Variants in TMEM130 observed in about 807,000 individuals in gnomAD.
TMEM130 encodes transmembrane protein 130.
In TMEM130, 37 loss-of-function variants were observed where a neutral mutation model predicts 42.9. The observed-to-expected ratio is 0.86, with a 90% CI of 0.66 to 1.13. TMEM130 has a LOEUF of 1.13. Ranked by LOEUF, TMEM130 falls within the 50% of genes most tolerant of loss-of-function variation. The pLI is 0.00. For missense variants in TMEM130, 545 were observed against 562.6 expected (o/e 0.97, Z 0.32); for synonymous variants, 259 against 237.7 (o/e 1.09, Z -0.82).
At chr7:98,853,519 T>G (rs572722758) in intron 5 of TMEM130, among the ~76,000 whole-genome samples, 10 of 152,144 alleles carry the variant, frequency 6.6e-5, no homozygotes, top group African/African-American at 2.4e-4. Flanking sequence ...TCCCAGCTAC[T>G]CGGGAGGCTG....
At chr7:98,855,352 C>G in intron 4 of TMEM130, 28 bp from the exon 5 acceptor site, 1 of 1,595,908 alleles carries the variant, frequency 6.3e-7, no homozygotes, top group Non-Finnish European at 8.6e-7. Context: ...CCCCGTTAGA[C>G]CTGGTGGCTA....
At chr7:98,850,855 A>C (rs1794483396) in intron 6 of TMEM130, among the ~76,000 whole-genome samples, 1 of 152,178 alleles carries the variant, frequency 6.6e-6, no homozygotes, top group Non-Finnish European at 1.5e-5. Context: ...CACTGCAATC[A>C]TGGTGGCTCA....
intron 4 of TMEM130, among the ~76,000 whole-genome samples, chr7:98,855,534 G>A (rs960852712): frequency 1.3e-5 from 2 of 152,206 alleles, no homozygotes; most frequent in African/African-American, 4.8e-5. Context: ...AAGTAGGAAA[G>A]GCAGGCAAAC....
Position 98,846,518 on chromosome 7 carries a change from G to A in TMEM130, c.*1538C>T, listed in dbSNP as rs1460542331. 6.6e-6 allele frequency: 1 copy of A among 152,174 alleles called. No homozygotes were observed. 9.4% of individuals were successfully genotyped at this position (152,174 alleles called of 1,614,324 possible). A position where few individuals can be genotyped will look rare whatever the true frequency, so the allele number is the denominator to read the frequency against. On this transcript the variant is annotated 3_prime_UTR_variant, in exon 8 of 8. Transcript: ENST00000339375. ...GCTTGGCTATATTCAGAGCACACAA[G>A]CTTTATTTAGCAACAATGGCAGTAT...
chr7:98,855,821 G>A (rs1245976419), intron 4 of TMEM130, among the ~76,000 whole-genome samples, 196 bp downstream of exon 4: 2 of 152,222 alleles, frequency 1.3e-5, no homozygotes, highest in African/African-American at 4.8e-5. Flanking sequence ...GGGCCGCTCA[G>A]CCACTGCACA....
At chr7:98,860,124 G>A (rs978949000) in intron 3 of TMEM130, 55 bp downstream of exon 3, 23 of 1,558,632 alleles carry the variant, frequency 1.5e-5, no homozygotes, top group African/African-American at 4.1e-5. Flanking sequence ...CACAGTGCGC[G>A]GGACAGTGGG....
chr7:98,856,194 A>T lies in TMEM130; in HGVS notation c.552-11T>A. Reference sequence around the variant, plus strand: ...GTCACCATCTGGGTCCTGTTAGGAGACAGGGAGGAGAGAGGAGGAAGACAG... The same window carrying T: ...GTCACCATCTGGGTCCTGTTAGGAGTCAGGGAGGAGAGAGGAGGAAGACAG... On this transcript the variant is annotated splice_polypyrimidine_tract_variant and intron_variant, in intron 3 of 7. Coordinates refer to ENST00000339375, the MANE Select transcript of TMEM130 (RefSeq NM_152913.3). The T allele has an allele frequency of 6.2e-7, 1 of 1,612,384 alleles. No homozygotes were observed. The highest frequency in any genetic ancestry group is 1.1e-5 in the South Asian group (1 of 90,970).
intron 6 of TMEM130, among the ~76,000 whole-genome samples, chr7:98,850,034 C>T (rs2116061982): frequency 6.6e-6 from 1 of 151,816 alleles, no homozygotes; most frequent in South Asian, 2.1e-4. Flanking sequence ...GTTGGGCATC[C>T]TTTTCTCTTT....
chr7:98,867,410 A>G (rs552377944), intron 1 of TMEM130, among the ~76,000 whole-genome samples: 1 of 152,032 alleles, frequency 6.6e-6, no homozygotes, highest in Admixed American at 6.6e-5. Flanking sequence ...AGAGAGGTGC[A>G]TGGATGAGAG....
intron 6 of TMEM130, among the ~76,000 whole-genome samples, chr7:98,850,266 TATA>T (rs1304186876): frequency 0.016 from 818 of 52,290 alleles, 15 homozygotes; most frequent in African/African-American, 0.037. Flanking sequence ...TATATATATA[TATA>T]TATATTTTTT....
chr7:98,864,240 C>T (rs1490528564), intron 1 of TMEM130, among the ~76,000 whole-genome samples: 3 of 152,074 alleles, frequency 2.0e-5, no homozygotes, highest in Non-Finnish European at 2.9e-5. Context: ...AGATCTCCCT[C>T]TGTCATCCAG....
chr7:98,855,015 G>A (rs572280445), intron 5 of TMEM130, among the ~76,000 whole-genome samples: 89 of 152,322 alleles, frequency 5.8e-4, no homozygotes, highest in African/African-American at 1.9e-3. Context: ...CAGCCTGGGC[G>A]AAAGAGCGAG....
At position 98,860,336 on chromosome 7, in the gene TMEM130, A is replaced by G. The variant is rs1794740387; in HGVS notation, c.394T>C (p.Phe132Leu). 1.9e-6 allele frequency: 3 copies of G among 1,586,386 alleles called. No homozygotes were observed. Among genetic ancestry groups the G allele is most frequent in the Middle Eastern group, 3.4e-4 (2 of 5,918 alleles). The change falls in exon 3 of 8, where the codon TTC (phenylalanine) becomes CTC (leucine). Residue 132 changes from phenylalanine (F) to leucine (L), a missense_variant and splice_region_variant. Physicochemically the swap from Phe to Leu is conservative, Grantham distance 22. Coordinates refer to ENST00000339375, the MANE Select transcript of TMEM130 (RefSeq NM_152913.3). ...RGFVVLPITE[F>L]LVGDLVVTQN... Reference sequence around the variant, plus strand: ...GTGACAACAAGGTCCCCCACGAGGAACTCTGGGAGAGAGAGAGACACGGGA... The same window carrying G: ...GTGACAACAAGGTCCCCCACGAGGAGCTCTGGGAGAGAGAGAGACACGGGA...
rs782738198 is a variant in TMEM130 at position 98,855,275 on chromosome 7, G to A, written c.768C>T (p.Phe256=). 2.5e-6 allele frequency: 4 copies of A among 1,613,518 alleles called. No homozygotes were observed. In the African/African-American group the frequency reaches 5.3e-5, roughly 22 times the overall value. Residue 256 remains phenylalanine, a synonymous_variant, in exon 5 of 8, where the codon TTC becomes TTT. Transcript: ENST00000339375. The stretch of plus-strand genomic sequence containing the variant: ...AGTTCAAGGTCACGGTCATCTTTTG[G>A]AAGGTCTGAATTAGGGTGGGCCCCA... ...QVLGPTLIQT[F]QKMTVTLNFL... is the part of the protein sequence containing the mutation.
chr7:98,850,288 T>TTTTTTTTTTTA (rs1554398034), intron 6 of TMEM130, among the ~76,000 whole-genome samples: 2 of 112,522 alleles, frequency 1.8e-5, no homozygotes, highest in African/African-American at 6.1e-5. Context: ...TTTTTTTTTT[T>TTTTTTTTTTTA]AATTTTTTGA....
chr7:98,864,849 G>A (rs146040867), intron 1 of TMEM130, among the ~76,000 whole-genome samples: 2 of 152,244 alleles, frequency 1.3e-5, no homozygotes, highest in African/African-American at 4.8e-5. Flanking sequence ...GCAATGAGCC[G>A]ACATCGAGCC....
intron 2 of TMEM130, among the ~76,000 whole-genome samples, chr7:98,862,306 A>AAGAGACAGAGAC (rs57043701): frequency 7.2e-6 from 1 of 138,756 alleles, no homozygotes; most frequent in Non-Finnish European, 1.5e-5. Context: ...GAAAGAGACA[A>AAGAGACAGAGAC]AGAGACAGAG....
chr7:98,848,187 C>T lies in TMEM130; in HGVS notation c.1141G>A (p.Val381Ile). Residue 381 changes from valine to isoleucine, a missense_variant, in exon 8 of 8, where the codon GTC (valine) becomes ATC (isoleucine). Transcript: ENST00000339375. Reference sequence around the variant, plus strand: ...CAGCACATCTGGCAGCAGCACCTGACCCCAGAGGGTGGCTCCGGGTTCTTG... The same window carrying T: ...CAGCACATCTGGCAGCAGCACCTGATCCCAGAGGGTGGCTCCGGGTTCTTG... ...MVENPEPPSG[V>I]RCCCQMCCGP... 6.2e-7 allele frequency: 1 copy of T among 1,614,084 alleles called. No individual in the cohort carries two copies. The highest frequency in any genetic ancestry group is 8.5e-7 in the Non-Finnish European group (1 of 1,180,006).
chr7:98,850,273 A>ATATATATATATTTTTTTTTT, intron 6 of TMEM130, among the ~76,000 whole-genome samples: 2 of 35,458 alleles, frequency 5.6e-5, no homozygotes, highest in African/African-American at 7.6e-5. Flanking sequence ...ATATATATAT[A>ATATATATATATTTTTTTTTT]TTTTTTTTTT....
Sources: gnomAD v4.1 joint callset for allele counts (sites outside exome capture counted in the v4.1 genomes callset) on GRCh38, gnomAD v4.1.1 for gene constraint, MANE v1.5 for transcripts, NCBI Gene and HGNC (gene_info 2026-07-23, HGNC 2026-07-21) for gene names.